The following NOTCH2 variants were observed in gnomAD, a reference collection of about 807,000 sequenced individuals.
The protein encoded by NOTCH2 is notch receptor 2.
In NOTCH2, 29 loss-of-function variants were observed where a neutral mutation model predicts 235.8. That is an observed-to-expected ratio of 0.12 (90% CI 0.09 to 0.17). The LOEUF (loss-of-function observed/expected upper bound fraction) is 0.17. Ranked by LOEUF, NOTCH2 falls within the 10% of genes least tolerant of loss-of-function variation. NOTCH2 has a pLI of 1.00. For synonymous variants in NOTCH2, 1,086 were observed against 1,141.5 expected (o/e 0.95, Z 0.98); for missense variants, 2,285 against 3,150.2 (o/e 0.73, Z 6.57).
rs1403645985 is a variant in NOTCH2, at chr1:120,047,568, C to T, written c.74-17581G>A. Among the ~76,000 whole-genome samples, 4 of 99,658 alleles carry T rather than the reference C, an allele frequency of 4.0e-5. No individual in the cohort carries two copies. The South Asian group carries it at 1.9e-3, about 46-fold the overall frequency. 65.4% of individuals were successfully genotyped at this position (99,658 alleles called of 152,430 possible). On this transcript the variant is annotated intron_variant, in intron 1 of 33. Coordinates refer to ENST00000256646, the MANE Select transcript of NOTCH2 (RefSeq NM_024408.4). ...TGGTAGTGGCACACCCCAGTAATCC[C>T]GGCTACTCGGGAGGCTAAGGCAGGA...
At position 119,916,564 on chromosome 1, in the gene NOTCH2, C is replaced by G. The variant is rs1649080785; in HGVS notation, c.6158G>C (p.Arg2053Pro). 6.2e-7 allele frequency: 1 copy of G among 1,613,944 alleles called. No homozygotes were observed. The highest frequency in any genetic ancestry group is 8.5e-7 in the Non-Finnish European group (1 of 1,180,006). Reference sequence around the variant, plus strand: ...AAGGCGCACAATGTCATGGTGCATGCGATCCCGAGCCACATCCCGGGGAAG... The same window carrying G: ...AAGGCGCACAATGTCATGGTGCATGGGATCCCGAGCCACATCCCGGGGAAG... ...DRLPRDVARD[R>P]MHHDIVRLLD... The change falls in exon 34 of 34, where the codon CGC becomes CCC. Residue 2053 changes from arginine (R) to proline (P), a missense_variant. By Grantham distance (103) the Arg-to-Pro change is moderately radical. This residue lies in a region of NOTCH2 where 504 missense variants were observed against 538.0 expected (regional missense o/e 0.94). Transcript: ENST00000256646.
rs1649376041 is a variant in NOTCH2, at chr1:119,923,983, A to G, written c.4513T>C (p.Tyr1505His). Residue 1505 changes from tyrosine (Y) to histidine (H), a missense_variant and splice_region_variant, in exon 26 of 34, where the codon TAT becomes CAT. Physicochemically the swap from Tyr to His is moderately conservative, Grantham distance 83 (BLOSUM62 2). Transcript: ENST00000256646. Reference protein sequence around the residue: ...ECQGNSKTCKYDKYCADHFKD... With the variant: ...ECQGNSKTCKHDKYCADHFKD... The stretch of plus-strand genomic sequence containing the variant: ...AAGTGGTCTGCACAGTATTTGTCAT[A>G]CCTAGGTAAGGGGAAGCAGAGAACA... 1.2e-6 allele frequency: 2 copies of G among 1,613,038 alleles called. No individual in the cohort carries two copies. The highest frequency in any genetic ancestry group is 1.1e-5 in the South Asian group (1 of 91,028).
chr1:119,965,384 G>T, intron 10 of NOTCH2, 69 bp downstream of exon 10: 2 of 1,174,270 alleles, frequency 1.7e-6, no homozygotes, highest in East Asian at 2.3e-5. Context: ...GCTAGCAGAG[G>T]ACAGGGACAA....
chr1:119,996,546 A>G (rs1354002434), intron 4 of NOTCH2: 1 of 666,258 alleles, frequency 1.5e-6, no homozygotes, highest in Non-Finnish European at 2.8e-6. Context: ...GTGGATAAGA[A>G]AACAATGAAT....
intron 2 of NOTCH2, among the ~76,000 whole-genome samples, chr1:120,028,808 G>T (rs1306184577): frequency 1.4e-5 from 2 of 141,482 alleles, no homozygotes; most frequent in East Asian, 2.1e-4. Context: ...GAAAAGAAGA[G>T]AAATTTCATA....
intron 3 of NOTCH2, among the ~76,000 whole-genome samples, chr1:120,000,271 C>T (rs1652696804): frequency 6.6e-6 from 1 of 151,858 alleles, no homozygotes; most frequent in Admixed American, 6.6e-5. Context: ...TGTGGTGGCT[C>T]ACACCTGTAA....
intron 19 of NOTCH2, among the ~76,000 whole-genome samples, chr1:119,938,643 A>G (rs781864728): frequency 1.3e-4 from 19 of 151,964 alleles, no homozygotes; most frequent in Admixed American, 3.3e-4. Flanking sequence ...TGATTATCAT[A>G]GGCTTTATGG....
chr1:119,986,884 G>A (rs1652039585), intron 5 of NOTCH2, 76 bp downstream of exon 5: 6 of 1,595,410 alleles, frequency 3.8e-6, no homozygotes, highest in Non-Finnish European at 5.1e-6. Context: ...ATTTGTTACT[G>A]ATATTTTAAA....
intron 19 of NOTCH2, among the ~76,000 whole-genome samples, chr1:119,940,073 A>G (rs1461847539): frequency 6.6e-6 from 1 of 152,216 alleles, no homozygotes; most frequent in African/African-American, 2.4e-5. Flanking sequence ...TCCATTCTAA[A>G]ATTTAATGGA....
At chr1:119,943,618 T>TA (rs1296544415) in intron 17 of NOTCH2, among the ~76,000 whole-genome samples, 1 of 152,118 alleles carries the variant, frequency 6.6e-6, no homozygotes, top group Non-Finnish European at 1.5e-5. Flanking sequence ...AAAAGATTTT[T>TA]AAAAAAATTC....
intron 1 of NOTCH2, among the ~76,000 whole-genome samples, chr1:120,031,084 G>T (rs1654070834): frequency 1.3e-5 from 2 of 151,958 alleles, no homozygotes; most frequent in African/African-American, 4.8e-5. Flanking sequence ...AAACTGAGAA[G>T]TTCCCCCTCT....
intron 1 of NOTCH2, among the ~76,000 whole-genome samples, chr1:120,065,033 A>T (rs1655451374): frequency 6.6e-6 from 1 of 152,132 alleles, no homozygotes; most frequent in South Asian, 2.1e-4. Flanking sequence ...AGTGAGAGGC[A>T]GGGGGTGGAT....
chr1:119,974,543 G>A (rs376455079), intron 5 of NOTCH2, among the ~76,000 whole-genome samples: 60 of 152,104 alleles, frequency 3.9e-4, no homozygotes, highest in African/African-American at 1.2e-3. Flanking sequence ...ACAATTTTCT[G>A]GTTGATCACT....
chr1:120,046,041 TGAG>T (rs1654774085), intron 1 of NOTCH2, among the ~76,000 whole-genome samples: 1 of 151,724 alleles, frequency 6.6e-6, no homozygotes, highest in South Asian at 2.1e-4. Flanking sequence ...TGTATTTACT[TGAG>T]GAAGCGTTCA....
At chr1:119,940,820 A>T in intron 18 of NOTCH2, 64 bp from the exon 19 acceptor site, 1 of 1,409,540 alleles carries the variant, frequency 7.1e-7, no homozygotes, top group Admixed American at 1.8e-5. Context: ...ACTACAAAGT[A>T]AGATTTCTGG....
chr1:119,971,195 A>G (rs1651346384), intron 5 of NOTCH2, among the ~76,000 whole-genome samples: 1 of 152,214 alleles, frequency 6.6e-6, no homozygotes, highest in Admixed American at 6.5e-5. Context: ...GTCTCCCACT[A>G]CTTGGCTGCA....
chr1:120,006,585 C>T (rs1424043464), intron 2 of NOTCH2, among the ~76,000 whole-genome samples: 10 of 147,852 alleles, frequency 6.8e-5, no homozygotes, highest in African/African-American at 1.8e-4. Flanking sequence ...GAAACACAAA[C>T]ACTTTGATTC....
At position 119,925,566 on chromosome 1, in the gene NOTCH2, G is replaced by C. The variant is rs2101162456; in HGVS notation, c.4250C>G (p.Pro1417Arg). The C allele has an allele frequency of 6.2e-7, 1 of 1,614,128 alleles. No individual in the cohort carries two copies. The highest frequency in any genetic ancestry group is 8.5e-7 in the Non-Finnish European group (1 of 1,180,036). Residue 1417 changes from proline to arginine, a missense_variant, in exon 25 of 34, where the codon CCC becomes CGC. This residue lies in a region of NOTCH2 where 1,173 missense variants were observed against 1,515.3 expected (regional missense o/e 0.77). Transcript: ENST00000256646. ...ACAGGTGGCAGGAGGGGTGCTGGGGGGTGCCGTGTAGAGTTCACAGCGGCT... is the reference window on the plus strand; with the variant it reads ...ACAGGTGGCAGGAGGGGTGCTGGGGCGTGCCGTGTAGAGTTCACAGCGGCT... ...SGSRCELYTA[P>R]PSTPPATCLS...
Position 119,997,052 on chromosome 1 carries a change from A to T in NOTCH2, c.696T>A (p.Asn232Lys), listed in dbSNP as rs1652490241. ...YVPCAPSPCV[N>K]GGTCRQTGDF... ...CACCAGTCTGCCGACAGGTGCCTCC[A>T]TTGACACAAGGTGAGGGTGCACAGG... The change falls in exon 4 of 34, where the codon AAT (asparagine) becomes AAA (lysine). Residue 232 changes from asparagine to lysine, a missense_variant. Around this residue, in one of 6 missense-constraint regions of NOTCH2, gnomAD observed 431 missense variants for 757.8 expected, o/e 0.57. Transcript: ENST00000256646. 1 of 1,613,894 alleles carries T rather than the reference A, an allele frequency of 6.2e-7. No homozygotes were observed. Among genetic ancestry groups the T allele is most frequent in the Admixed American group, 1.7e-5 (1 of 60,002 alleles).
Sources: gnomAD v4.1 joint callset for allele counts (sites outside exome capture counted in the v4.1 genomes callset) on GRCh38, gnomAD v4.1.1 for gene constraint, gnomAD v4.1.1 regional missense constraint, MANE v1.5 for transcripts, NCBI Gene and HGNC (gene_info 2026-07-23, HGNC 2026-07-21) for gene names.